Variants in B3GALT1 observed in about 807,000 individuals in gnomAD.
The protein encoded by B3GALT1 is beta-1,3-galactosyltransferase 1, also known as UDP-Gal:betaGlcNAc beta 1,3-galactosyltransferase, polypeptide 1.
In B3GALT1, 10 loss-of-function variants were observed where a neutral mutation model predicts 23.2. The ratio of observed to expected loss-of-function variants is 0.43; its 90% CI spans 0.27 to 0.73. The LOEUF is 0.73. Ranked by LOEUF, B3GALT1 falls within the 30% of genes least tolerant of loss-of-function variation. B3GALT1 has a pLI of 0.21. For missense variants in B3GALT1, 299 were observed against 405.4 expected (o/e 0.74, Z 2.25); for synonymous variants, 156 against 141.5 (o/e 1.10, Z -0.73).
intron 1 of B3GALT1, among the ~76,000 whole-genome samples, chr2:167,389,909 CAAAAAAAAAAAAAAACAA>C (rs1170603103): frequency 2.7e-5 from 3 of 112,596 alleles, no homozygotes; most frequent in African/African-American, 1.3e-4. Context: ...ATACCCTGTC[CAAAAAAAAAAAAAAACAA>C]AAAAAAAAAA....
intron 1 of B3GALT1, among the ~76,000 whole-genome samples, chr2:167,385,406 C>T (rs1417595496): frequency 3.3e-5 from 5 of 152,324 alleles, no homozygotes; most frequent in African/African-American, 4.8e-5. Flanking sequence ...ATTTACCTGT[C>T]TTCCTCTCTT....
In B3GALT1 at chr2:167,807,991, T is replaced by G. The variant is rs1180773706; in HGVS notation, c.-351-10681T>G. On this transcript the variant is annotated intron_variant, in intron 3 of 4. Coordinates refer to ENST00000392690, the MANE Select transcript of B3GALT1 (RefSeq NM_020981.4). ...CTTTATGAATCTGGGTGCTCCTGTA[T>G]TGGGTGCATATATATTTAGGATAGT... Among the ~76,000 whole-genome samples, 15 of 152,194 alleles carry G rather than the reference T, an allele frequency of 9.9e-5. No homozygotes were observed. The South Asian group carries it at 3.1e-3, about 32-fold the overall frequency.
At chr2:167,623,337 A>G (rs1036585170) in intron 2 of B3GALT1, among the ~76,000 whole-genome samples, 1 of 151,914 alleles carries the variant, frequency 6.6e-6, no homozygotes, top group Non-Finnish European at 1.5e-5. Flanking sequence ...ATTTGAGGCA[A>G]TGACTTAGAA....
chr2:167,869,072 G>C lies in B3GALT1; in HGVS notation c.33G>C (p.Leu11Phe). The change falls in exon 5 of 5, where the codon TTG (leucine) becomes TTC (phenylalanine). Residue 11 changes from leucine (L) to phenylalanine (F), a missense_variant. Physicochemically the swap from Leu to Phe is conservative, Grantham distance 22 (BLOSUM62 0). Coordinates refer to ENST00000392690, the MANE Select transcript of B3GALT1 (RefSeq NM_020981.4). The surrounding 1 kb of genome is among the most constrained non-coding windows in gnomAD (Gnocchi z 6.4). MASKVSCLYV[L>F]TVVCWASALW... ...CAAAGGTCTCCTGTTTGTATGTTTT[G>C]ACAGTTGTGTGCTGGGCCAGCGCTC... 1 of 1,612,398 alleles carries C rather than the reference G, an allele frequency of 6.2e-7. No homozygotes were observed. The highest frequency in any genetic ancestry group is 8.5e-7 in the Non-Finnish European group (1 of 1,179,148).
At chr2:167,646,307 A>C (rs1454358546) in intron 2 of B3GALT1, among the ~76,000 whole-genome samples, 1 of 151,808 alleles carries the variant, frequency 6.6e-6, no homozygotes, top group Non-Finnish European at 1.5e-5. Context: ...CAGGTCACTC[A>C]TGGGTAGGAC....
chr2:167,714,711 G>A, intron 3 of B3GALT1: 1 of 1,613,836 alleles, frequency 6.2e-7, no homozygotes, highest in Non-Finnish European at 8.5e-7. Context: ...GAAATAACCT[G>A]CTTTTGATAA....
At chr2:167,626,319 A>G (rs1182912596) in intron 2 of B3GALT1, among the ~76,000 whole-genome samples, 4 of 151,662 alleles carry the variant, frequency 2.6e-5, no homozygotes, top group Non-Finnish European at 5.9e-5. Flanking sequence ...TTCCTCCATT[A>G]AATATGTGTA....
chr2:167,773,900 G>A lies in B3GALT1; in HGVS notation c.-351-44772G>A, dbSNP rs542890524. Among the ~76,000 whole-genome samples the A allele has an allele frequency of 2.6e-5, 4 of 152,312 alleles. No individual in the cohort carries two copies. The East Asian group carries it at 7.7e-4, about 29-fold the overall frequency. On this transcript the variant is annotated intron_variant, in intron 3 of 4. Coordinates refer to ENST00000392690, the MANE Select transcript of B3GALT1 (RefSeq NM_020981.4). ...CAAGACTTTGTCTTCTGACGTAGAG[G>A]ATGGCCAGCCCAAGCCTGGATGTGT...
chr2:167,719,775 T>C (rs2105253950), intron 3 of B3GALT1, among the ~76,000 whole-genome samples: 1 of 152,070 alleles, frequency 6.6e-6, no homozygotes, highest in Admixed American at 6.5e-5. Flanking sequence ...TACTAAAGAA[T>C]ACAAAAATTA....
intron 4 of B3GALT1, among the ~76,000 whole-genome samples, chr2:167,825,479 A>T (rs1409165073): frequency 2.8e-5 from 4 of 145,318 alleles, no homozygotes; most frequent in African/African-American, 5.2e-5. Context: ...TGTGTGTGTT[A>T]TATATAAATT....
intron 3 of B3GALT1, among the ~76,000 whole-genome samples, chr2:167,761,144 G>A (rs891805014): frequency 1.3e-5 from 2 of 152,190 alleles, no homozygotes; most frequent in African/African-American, 2.4e-5. Context: ...ATCACGTAGT[G>A]ATAGTTTAGC....
chr2:167,469,964 ACAATG>A (rs1699400979), intron 1 of B3GALT1, among the ~76,000 whole-genome samples: 2 of 152,204 alleles, frequency 1.3e-5, no homozygotes, highest in African/African-American at 4.8e-5. Context: ...TGTCTTTCCC[ACAATG>A]TTGATTCTCA....
intron 2 of B3GALT1, among the ~76,000 whole-genome samples, chr2:167,571,345 T>C (rs1684290246): frequency 6.6e-6 from 1 of 151,908 alleles, no homozygotes; most frequent in Admixed American, 6.6e-5. Context: ...GAATTCCTAG[T>C]TCACCTAGAA....
chr2:167,396,454 G>A (rs921380096), intron 1 of B3GALT1, among the ~76,000 whole-genome samples: 1 of 150,350 alleles, frequency 6.7e-6, no homozygotes, highest in East Asian at 2.0e-4. Context: ...TCTCAAAAAA[G>A]TAATTTTTTT....
chr2:167,691,888 G>A (rs1378070092), intron 3 of B3GALT1, among the ~76,000 whole-genome samples: 1 of 152,106 alleles, frequency 6.6e-6, no homozygotes, highest in African/African-American at 2.4e-5. Flanking sequence ...AGTAACCTAC[G>A]AGGCATATTA....
intron 1 of B3GALT1, among the ~76,000 whole-genome samples, chr2:167,347,219 A>G (rs895404986): frequency 3.3e-5 from 5 of 152,188 alleles, no homozygotes; most frequent in Admixed American, 6.5e-5. Flanking sequence ...GAGTCATCCC[A>G]GGTAGGTTAT....
At chr2:167,476,972 G>A (rs181790663) in intron 1 of B3GALT1, among the ~76,000 whole-genome samples, 39 of 152,302 alleles carry the variant, frequency 2.6e-4, no homozygotes, top group African/African-American at 8.7e-4. Context: ...GATAAAAGGA[G>A]CAGATTGACC....
At chr2:167,791,605 C>A (rs1166164172) in intron 3 of B3GALT1, among the ~76,000 whole-genome samples, 8 of 151,338 alleles carry the variant, frequency 5.3e-5, no homozygotes, top group Admixed American at 5.2e-4. Flanking sequence ...TTTGATCAGA[C>A]CTTTAACTAA....
chr2:167,588,058 A>T (rs543482038), intron 2 of B3GALT1, among the ~76,000 whole-genome samples: 1 of 152,254 alleles, frequency 6.6e-6, no homozygotes, highest in African/African-American at 2.4e-5. Context: ...TTGCTTACTG[A>T]TCCTGATGAA....
Sources: gnomAD v4.1 joint callset for allele counts (sites outside exome capture counted in the v4.1 genomes callset) on GRCh38, gnomAD v4.1.1 for gene constraint, Gnocchi (gnomAD v3.1) non-coding constraint, MANE v1.5 for transcripts, NCBI Gene and HGNC (gene_info 2026-07-23, HGNC 2026-07-21) for gene names.